Variants in MALRD1 observed in about 807,000 individuals in gnomAD.
MALRD1 encodes MAM and LDL-receptor class A domain-containing protein 1.
Under a neutral mutation model 242.1 loss-of-function variants are expected in MALRD1, and 247 were observed. The ratio of observed to expected loss-of-function variants is 1.02; its 90% CI spans 0.92 to 1.13. The LOEUF (loss-of-function observed/expected upper bound fraction) is 1.13, where lower values mean the gene tolerates loss of function less well. Among genes scored for constraint, MALRD1 ranks in the 50% most tolerant of loss-of-function variants. The pLI is 0.00. For missense variants in MALRD1, 2,989 were observed against 2,533.1 expected (o/e 1.18, Z -3.86); for synonymous variants, 995 against 866.6 (o/e 1.15, Z -2.60).
chr10:19,660,260 T>C (rs1841365646), intron 36 of MALRD1, among the ~76,000 whole-genome samples: 1 of 152,148 alleles, frequency 6.6e-6, no homozygotes, highest in African/African-American at 2.4e-5. Flanking sequence ...CCAGACAATA[T>C]TGATTTTAAG....
chr10:19,291,526 G>A (rs1428068648), intron 21 of MALRD1: 1 of 151,842 alleles, frequency 6.6e-6, no homozygotes, highest in Admixed American at 6.6e-5. Flanking sequence ...CTGGGTGACA[G>A]AATGACACTT....
At chr10:19,316,631 A>G (rs572862380) in intron 21 of MALRD1, among the ~76,000 whole-genome samples, 10 of 151,950 alleles carry the variant, frequency 6.6e-5, no homozygotes, top group Admixed American at 3.3e-4. Flanking sequence ...GTTCCGCACA[A>G]CGAGGAATGA....
intron 36 of MALRD1, among the ~76,000 whole-genome samples, chr10:19,687,804 G>A (rs1842637997): frequency 6.6e-6 from 1 of 152,124 alleles, no homozygotes; most frequent in Non-Finnish European, 1.5e-5. Context: ...AATAGATGAG[G>A]AAGATAGCTA....
intron 38 of MALRD1, among the ~76,000 whole-genome samples, chr10:19,720,161 C>T (rs1186621007): frequency 1.3e-5 from 2 of 152,128 alleles, no homozygotes; most frequent in Non-Finnish European, 2.9e-5. Context: ...TTATGATAAA[C>T]ATGAACATAT....
chr10:19,341,870 G>T (rs1843896943), intron 24 of MALRD1, among the ~76,000 whole-genome samples: 1 of 151,936 alleles, frequency 6.6e-6, no homozygotes, highest in African/African-American at 2.4e-5. Flanking sequence ...TGTCGTTTGG[G>T]TTCTATAAAT....
At chr10:19,065,015 C>T (rs556981610) in intron 1 of MALRD1, among the ~76,000 whole-genome samples, 4 of 151,914 alleles carry the variant, frequency 2.6e-5, no homozygotes, top group Admixed American at 1.3e-4. Flanking sequence ...GGGCCGGGTG[C>T]GGTTGCTCAT....
chr10:19,260,598 G>A (rs1839703427), intron 19 of MALRD1, among the ~76,000 whole-genome samples: 2 of 152,158 alleles, frequency 1.3e-5, no homozygotes, highest in South Asian at 4.1e-4. Context: ...TTACAAGAAA[G>A]AGAGGTGATG....
At chr10:19,101,512 C>T (rs1409114671) in intron 4 of MALRD1, among the ~76,000 whole-genome samples, 1 of 132,740 alleles carries the variant, frequency 7.5e-6, no homozygotes, top group Non-Finnish European at 1.5e-5. Flanking sequence ...ATATGTATAT[C>T]ATTATATAAT....
intron 26 of MALRD1, 78 bp from the exon 27 acceptor site, chr10:19,387,450 C>A (rs929796090): frequency 9.7e-6 from 14 of 1,438,570 alleles, no homozygotes; most frequent in Non-Finnish European, 1.3e-5. Flanking sequence ...TAAAATGAAT[C>A]CACTCTTACT....
At chr10:19,202,102 C>T (rs1051462578) in intron 14 of MALRD1, among the ~76,000 whole-genome samples, 5 of 152,134 alleles carry the variant, frequency 3.3e-5, no homozygotes, top group Admixed American at 6.6e-5. Flanking sequence ...GTGTGAGCCA[C>T]GGCGCCCGAC....
At chr10:19,239,239 T>C (rs1359285718) in intron 18 of MALRD1, among the ~76,000 whole-genome samples, 1 of 152,078 alleles carries the variant, frequency 6.6e-6, no homozygotes, top group Non-Finnish European at 1.5e-5. Flanking sequence ...TTTGTATTTT[T>C]AGTAGAGAAA....
intron 28 of MALRD1, among the ~76,000 whole-genome samples, chr10:19,411,798 G>A (rs1382787378): frequency 1.3e-5 from 2 of 152,148 alleles, no homozygotes; most frequent in Non-Finnish European, 2.9e-5. Context: ...GTGATTTGGA[G>A]CTTGGTAAGA....
chr10:19,194,552 A>G (rs1836146868), intron 14 of MALRD1, among the ~76,000 whole-genome samples: 1 of 151,986 alleles, frequency 6.6e-6, no homozygotes, highest in African/African-American at 2.4e-5. Flanking sequence ...ACACTTCTAT[A>G]CTTTCTGCTT....
At chr10:19,269,693 G>A (rs536412650) in intron 19 of MALRD1, among the ~76,000 whole-genome samples, 24 of 152,184 alleles carry the variant, frequency 1.6e-4, no homozygotes, top group African/African-American at 5.3e-4. Context: ...AAGAAGAAAC[G>A]CTTTTCTCAT....
intron 11 of MALRD1, among the ~76,000 whole-genome samples, chr10:19,148,928 C>T (rs1314886576): frequency 6.6e-6 from 1 of 150,952 alleles, no homozygotes; most frequent in African/African-American, 2.4e-5. Context: ...GAAAAAGGAC[C>T]AGGAAGGGAA....
intron 2 of MALRD1, among the ~76,000 whole-genome samples, chr10:19,070,729 C>A (rs1212799245): frequency 6.6e-6 from 1 of 150,670 alleles, no homozygotes; most frequent in East Asian, 2.0e-4. Context: ...TGAATTTTAT[C>A]CTGGATGTGT....
In MALRD1 at chr10:19,209,446, A is replaced by G. The variant is rs540027092; in HGVS notation, c.2757A>G (p.Pro919=). 2.2e-4 allele frequency: 343 copies of G among 1,550,954 alleles called. No homozygotes were observed. The highest frequency in any genetic ancestry group is 2.8e-4 in the Non-Finnish European group (318 of 1,147,058). ...ATCTCTACATAGAATCTTCAGAGCC[A>G]CAGGCTTTTCAAGACAGTGCTGCCT... ...GHYLYIESSE[P]QAFQDSAALL... The change falls in exon 18 of 40, where the codon CCA becomes CCG. Residue 919 remains proline (P), a synonymous_variant. Coordinates refer to ENST00000454679, the MANE Select transcript of MALRD1 (RefSeq NM_001142308.3).
chr10:19,596,057 A>G (rs1838084096), intron 34 of MALRD1, among the ~76,000 whole-genome samples: 1 of 152,174 alleles, frequency 6.6e-6, no homozygotes, highest in Non-Finnish European at 1.5e-5. Flanking sequence ...TTTGTCATCC[A>G]GGTGTTGAAT....
At chr10:19,484,669 A>T (rs987420998) in intron 29 of MALRD1, among the ~76,000 whole-genome samples, 6 of 152,224 alleles carry the variant, frequency 3.9e-5, no homozygotes, top group African/African-American at 1.4e-4. Flanking sequence ...TAAAAGCATA[A>T]TAATATATGT....
Sources: gnomAD v4.1 joint callset for allele counts (sites outside exome capture counted in the v4.1 genomes callset) on GRCh38, gnomAD v4.1.1 for gene constraint, MANE v1.5 for transcripts, NCBI Gene and HGNC (gene_info 2026-07-23, HGNC 2026-07-21) for gene names.